The following MSI2 variants were observed in gnomAD, a reference collection of about 807,000 sequenced individuals.
MSI2 encodes the protein musashi RNA binding protein 2.
MSI2 carries 17 observed loss-of-function variants against 45.6 expected under a neutral mutation model. That is an observed-to-expected ratio of 0.37 (90% confidence interval 0.26 to 0.56). The LOEUF (loss-of-function observed/expected upper bound fraction) is 0.56. MSI2 is among the 20% of genes least tolerant of loss of function. The pLI, the probability that MSI2 is intolerant of heterozygous loss-of-function variation, is 0.77. For missense variants in MSI2, 293 were observed against 444.2 expected (o/e 0.66, Z 3.06); for synonymous variants, 156 against 158.2 (o/e 0.99, Z 0.11).
rs148737177 is a variant in MSI2, at chr17:57,614,640, C to A, written c.538-1330C>A. 6.6e-5 allele frequency among the ~76,000 whole-genome samples: 10 copies of A among 152,280 alleles called. 1 individual carries two copies. In the East Asian group the frequency reaches 1.9e-3, roughly 29 times the overall value. ...CTTTTGGCTGTTAAAAGCATCCGTG[C>A]CTTACCCTGCAACATCCCATCTTCA... On this transcript the variant is annotated intron_variant, in intron 8 of 13. Transcript: ENST00000284073.
Position 57,429,852 on chromosome 17 carries a change from G to A in MSI2, c.405+28381G>A, listed in dbSNP as rs141839781. 1.3e-3 allele frequency among the ~76,000 whole-genome samples: 192 copies of A among 152,346 alleles called. 1 individual carries two copies. The highest frequency in any genetic ancestry group is 3.4e-3 in the Middle Eastern group (1 of 294). On this transcript the variant is annotated intron_variant, in intron 6 of 13. Transcript: ENST00000284073. ...ACACTTTGAGCGCATTCACTCTGCA[G>A]TTGTCACACTGGTGATGAACGTGGA...
At chr17:57,256,293 G>T (rs1281324009), upstream of MSI2, among the ~76,000 whole-genome samples, 1 of 151,630 alleles carries the variant, frequency 6.6e-6, no homozygotes, top group African/African-American at 2.4e-5. Context: ...CCCTCCGCCC[G>T]CGGGGTTCGC....
chr17:57,346,672 T>C (rs1288209538), intron 5 of MSI2, among the ~76,000 whole-genome samples: 1 of 152,148 alleles, frequency 6.6e-6, no homozygotes, highest in Admixed American at 6.5e-5. Context: ...AGTGGCACGA[T>C]CATGGCTCAT....
chr17:57,685,942 C>A (rs1343218749), downstream of MSI2, among the ~76,000 whole-genome samples: 4 of 152,192 alleles, frequency 2.6e-5, no homozygotes, highest in African/African-American at 7.2e-5. Flanking sequence ...AGCCCAGGAG[C>A]CTAAGGAGAG....
At chr17:57,542,117 G>T (rs1298159737) in intron 7 of MSI2, among the ~76,000 whole-genome samples, 2 of 152,170 alleles carry the variant, frequency 1.3e-5, no homozygotes. Flanking sequence ...GCCGTGTTTT[G>T]TGTGTCTCTC....
At chr17:57,337,533 G>A (rs1038322456) in intron 5 of MSI2, among the ~76,000 whole-genome samples, 1 of 152,176 alleles carries the variant, frequency 6.6e-6, no homozygotes, top group African/African-American at 2.4e-5. Context: ...TCTCTGTGTC[G>A]CTGGCTAGCC....
chr17:57,485,552 C>T (rs2085736637), intron 6 of MSI2, among the ~76,000 whole-genome samples: 1 of 151,276 alleles, frequency 6.6e-6, no homozygotes, highest in Non-Finnish European at 1.5e-5. Flanking sequence ...CATGGAGCTG[C>T]TCAGGAAAGA....
intron 9 of MSI2, among the ~76,000 whole-genome samples, chr17:57,625,032 G>A (rs1191639829): frequency 5.9e-5 from 9 of 152,136 alleles, no homozygotes; most frequent in South Asian, 4.1e-4. Context: ...CCTTCTAACC[G>A]TGTCCTCACG....
intron 10 of MSI2, among the ~76,000 whole-genome samples, chr17:57,647,127 T>C (rs1307613351): frequency 1.3e-5 from 2 of 151,914 alleles, no homozygotes; most frequent in Admixed American, 6.6e-5. Flanking sequence ...ACCAGACCAC[T>C]GTAATCAATA....
At chr17:57,663,846 G>T (rs1464432751) in intron 11 of MSI2, among the ~76,000 whole-genome samples, 4 of 152,170 alleles carry the variant, frequency 2.6e-5, no homozygotes, top group Non-Finnish European at 4.4e-5. Context: ...GCTTGGAAAT[G>T]ATCTGCTGGA....
At chr17:57,440,138 G>C (rs1322121606) in intron 6 of MSI2, among the ~76,000 whole-genome samples, 1 of 152,154 alleles carries the variant, frequency 6.6e-6, no homozygotes, top group Non-Finnish European at 1.5e-5. Flanking sequence ...GTGCTTGAAA[G>C]GGTGGGGAGG....
At chr17:57,541,970 G>T (rs1350951423) in intron 7 of MSI2, among the ~76,000 whole-genome samples, 1 of 152,088 alleles carries the variant, frequency 6.6e-6, no homozygotes, top group African/African-American at 2.4e-5. Context: ...TGCAATGTGC[G>T]TACGCAATGC....
At chr17:57,641,254 G>A (rs1910236443) in intron 10 of MSI2, among the ~76,000 whole-genome samples, 1 of 152,300 alleles carries the variant, frequency 6.6e-6, no homozygotes. Flanking sequence ...TAGTGATGGG[G>A]CCAAAGTAGG....
At chr17:57,636,417 G>A (rs750492254) in intron 10 of MSI2, among the ~76,000 whole-genome samples, 13 of 152,146 alleles carry the variant, frequency 8.5e-5, no homozygotes, top group Non-Finnish European at 1.3e-4. Flanking sequence ...TGGGCCACCG[G>A]GGGGAGCAAC....
At chr17:57,386,705 G>C (rs1367642148) in intron 5 of MSI2, among the ~76,000 whole-genome samples, 4 of 152,366 alleles carry the variant, frequency 2.6e-5, no homozygotes, top group African/African-American at 7.2e-5. Context: ...CTCCATGCTG[G>C]AGGGTGCATT....
chr17:57,573,104 T>A (rs1026066408), intron 7 of MSI2, among the ~76,000 whole-genome samples: 1 of 152,132 alleles, frequency 6.6e-6, no homozygotes, highest in Non-Finnish European at 1.5e-5. Context: ...AGAATGCCTC[T>A]GTGGTGGGCG....
At chr17:57,333,011 C>T (rs758253009) in intron 5 of MSI2, among the ~76,000 whole-genome samples, 86 of 151,044 alleles carry the variant, frequency 5.7e-4, no homozygotes, top group Non-Finnish European at 1.0e-4. Flanking sequence ...GGCGACAGAG[C>T]GAGACTCTGT....
chr17:57,377,985 G>A (rs2083529390), intron 5 of MSI2, among the ~76,000 whole-genome samples: 1 of 151,380 alleles, frequency 6.6e-6, no homozygotes. Flanking sequence ...TGAGGCAGGA[G>A]AACGGCGTGA....
Position 57,455,459 on chromosome 17 carries a change from G to GA in MSI2, c.405+53993dup, listed in dbSNP as rs141273187. On this transcript the variant is annotated intron_variant, in intron 6 of 13. Coordinates refer to ENST00000284073, the MANE Select transcript of MSI2 (RefSeq NM_138962.4). ...GCAGCCGCTTGTGTTTTAAAACCCT[G>GA]AAAAAGGGGGGCCAGCTCTCAGCCC... 1.7e-3 allele frequency among the ~76,000 whole-genome samples: 252 copies of GA among 152,250 alleles called. 1 individual carries two copies. The highest frequency in any genetic ancestry group is 2.6e-3 in the Non-Finnish European group (174 of 68,026).
Sources: gnomAD v4.1 joint callset for allele counts (sites outside exome capture counted in the v4.1 genomes callset) on GRCh38, gnomAD v4.1.1 for gene constraint, MANE v1.5 for transcripts, NCBI Gene and HGNC (gene_info 2026-07-23, HGNC 2026-07-21) for gene names.